ANKH: variants seen among roughly 807,000 people sequenced by gnomAD.
ANKH encodes ANKH inorganic pyrophosphate transport regulator, also known as mineralization regulator ANKH.
ANKH carries 15 observed loss-of-function variants against 49.0 expected under a neutral mutation model. That is an observed-to-expected ratio of 0.31 (90% CI 0.20 to 0.47). The LOEUF is 0.47. Ranked by LOEUF, ANKH falls within the 20% of genes least tolerant of loss-of-function variation. ANKH has a pLI of 1.00. For missense variants in ANKH, 429 were observed against 652.0 expected (o/e 0.66, Z 3.72); for synonymous variants, 273 against 260.0 (o/e 1.05, Z -0.48).
In ANKH at chr5:14,745,236, C is replaced by T. The variant is rs934827267; in HGVS notation, c.915+634G>A. On this transcript the variant is annotated intron_variant, in intron 7 of 11. Transcript: ENST00000284268. The surrounding 1 kb of genome is among the most constrained non-coding windows in gnomAD (Gnocchi z 4.7). Reference sequence around the variant, plus strand: ...TTTGTTTTAGAGTATTAAAAAAAGTCTATAGGTTTAAATGATAACGCTATA... The same window carrying T: ...TTTGTTTTAGAGTATTAAAAAAAGTTTATAGGTTTAAATGATAACGCTATA... Among the ~76,000 whole-genome samples the T allele has an allele frequency of 4.0e-5, 6 of 151,724 alleles. No individual in the cohort carries two copies. The highest frequency in any genetic ancestry group is 5.9e-5 in the Non-Finnish European group (4 of 67,982).
At chr5:14,781,196 T>TATA (rs2126529965) in intron 1 of ANKH, among the ~76,000 whole-genome samples, 1 of 152,320 alleles carries the variant, frequency 6.6e-6, no homozygotes, top group Non-Finnish European at 1.5e-5. Flanking sequence ...TTCCCAGGGA[T>TATA]CTATACAGCT....
In ANKH at chr5:14,871,278, C is replaced by T. The variant is rs1158756271; in HGVS notation, c.96+74G>A. On this transcript the variant is annotated intron_variant, in intron 1 of 11. Transcript: ENST00000284268. ...AAGAGGGACTCGGAGCAGGTGACTCCCCTCCGCCCCCGTGTCCGGGCGTGT... is the reference window on the plus strand; with the variant it reads ...AAGAGGGACTCGGAGCAGGTGACTCTCCTCCGCCCCCGTGTCCGGGCGTGT... 5.2e-6 allele frequency: 7 copies of T among 1,333,638 alleles called. No individual in the cohort carries two copies. The Middle Eastern group carries it at 5.4e-4, about 103-fold the overall frequency. 82.6% of individuals were successfully genotyped at this position (1,333,638 alleles called of 1,614,324 possible). A position where few individuals can be genotyped will look rare whatever the true frequency, so the allele number is the denominator to read the frequency against.
At chr5:14,724,084 G>A (rs13159680) in intron 8 of ANKH, among the ~76,000 whole-genome samples, 9,500 of 152,162 alleles carry the variant, frequency 0.062, 405 homozygotes, top group African/African-American at 0.11. Context: ...CTGGGAGGCC[G>A]AGGTGGATGG....
At chr5:14,771,921 G>GAAAAAAAAAAAAAAAAAAAA (rs869185652) in intron 1 of ANKH, among the ~76,000 whole-genome samples, 1 of 53,394 alleles carries the variant, frequency 1.9e-5, no homozygotes, top group Non-Finnish European at 3.8e-5. Flanking sequence ...CTCAAAAAAA[G>GAAAAAAAAAAAAAAAAAAAA]AAAAAAAAAA....
chr5:14,746,813 TCA>T (rs1259591301), intron 6 of ANKH, among the ~76,000 whole-genome samples: 2 of 152,184 alleles, frequency 1.3e-5, no homozygotes, highest in African/African-American at 4.8e-5. Flanking sequence ...TTTCACTGTC[TCA>T]GTCATATTTT....
Position 14,769,204 on chromosome 5 carries a change from A to T in ANKH, c.97-13T>A. On this transcript the variant is annotated splice_polypyrimidine_tract_variant and intron_variant, in intron 1 of 11. Transcript: ENST00000284268. ...CCCGGTTCAAGGCCTGGGAAGGGGG[A>T]AAAAAACCCACAAGCATTAGAAATG... The T allele has an allele frequency of 6.3e-7, 1 of 1,599,828 alleles. No individual in the cohort carries two copies. The highest frequency in any genetic ancestry group is 2.3e-5 in the East Asian group (1 of 44,294).
intron 1 of ANKH, among the ~76,000 whole-genome samples, chr5:14,858,182 T>C (rs1735337697): frequency 6.6e-6 from 1 of 152,194 alleles, no homozygotes; most frequent in African/African-American, 2.4e-5. Flanking sequence ...CAGGTGGTTT[T>C]TGCTTACATG....
At chr5:14,743,823 T>C (rs758833563) in intron 7 of ANKH, among the ~76,000 whole-genome samples, 9 of 152,262 alleles carry the variant, frequency 5.9e-5, no homozygotes, top group Non-Finnish European at 1.2e-4. Context: ...AATTTTTTTA[T>C]AGCTCCTAGC....
intron 1 of ANKH, among the ~76,000 whole-genome samples, chr5:14,808,122 T>C (rs1318970356): frequency 4.6e-5 from 7 of 152,174 alleles, no homozygotes; most frequent in Admixed American, 1.3e-4. Flanking sequence ...AACTTATACA[T>C]GCCCAGTGTG....
intron 8 of ANKH, among the ~76,000 whole-genome samples, chr5:14,728,172 G>A (rs1259356977): frequency 6.6e-6 from 1 of 152,242 alleles, no homozygotes; most frequent in Non-Finnish European, 1.5e-5. Flanking sequence ...CGCCAACAGC[G>A]CTCCATATGT....
intron 8 of ANKH, 99 bp from the exon 9 acceptor site, chr5:14,716,934 G>A: frequency 3.3e-6 from 5 of 1,493,612 alleles, no homozygotes; most frequent in Non-Finnish European, 4.6e-6. Flanking sequence ...TTACGAAAGA[G>A]GGACAACCGG....
intron 8 of ANKH, among the ~76,000 whole-genome samples, chr5:14,738,790 A>G (rs1738264295): frequency 6.6e-6 from 1 of 152,134 alleles, no homozygotes; most frequent in African/African-American, 2.4e-5. Flanking sequence ...AAAATAGACT[A>G]GAAAATCAAG....
At chr5:14,792,218 T>C (rs1382314783) in intron 1 of ANKH, among the ~76,000 whole-genome samples, 1 of 152,020 alleles carries the variant, frequency 6.6e-6, no homozygotes, top group Non-Finnish European at 1.5e-5. Flanking sequence ...TCGAGTCCCA[T>C]TATACTGGGC....
At chr5:14,735,921 G>A (rs1316219159) in intron 8 of ANKH, among the ~76,000 whole-genome samples, 5 of 151,640 alleles carry the variant, frequency 3.3e-5, no homozygotes, top group Non-Finnish European at 7.4e-5. Context: ...GAAGGTTCCG[G>A]GTTGAATGCA....
At chr5:14,856,450 G>GAGGTCA (rs3028503) in intron 1 of ANKH, among the ~76,000 whole-genome samples, 72,177 of 151,066 alleles carry the variant, frequency 0.48, 17,302 homozygotes, top group Admixed American at 0.54. Flanking sequence ...GAAGCCTACA[G>GAGGTCA]AGTTCTCTGC....
intron 1 of ANKH, among the ~76,000 whole-genome samples, chr5:14,857,003 A>C (rs1735287411): frequency 6.6e-6 from 1 of 152,318 alleles, no homozygotes; most frequent in South Asian, 2.1e-4. Flanking sequence ...ACTCATTGAA[A>C]GAAAGCGCTT....
intron 8 of ANKH, among the ~76,000 whole-genome samples, chr5:14,732,469 T>G (rs1333108439): frequency 6.6e-6 from 1 of 151,964 alleles, no homozygotes; most frequent in African/African-American, 2.4e-5. Context: ...ACTATAAACT[T>G]TATATTTATC....
intron 1 of ANKH, among the ~76,000 whole-genome samples, chr5:14,835,687 A>C (rs1468182150): frequency 1.3e-5 from 2 of 152,234 alleles, no homozygotes; most frequent in Admixed American, 1.3e-4. Flanking sequence ...GCCCAGAAGT[A>C]CAAAGAGGAA....
chr5:14,773,703 T>C (rs1739522558), intron 1 of ANKH, among the ~76,000 whole-genome samples: 1 of 152,224 alleles, frequency 6.6e-6, no homozygotes, highest in African/African-American at 2.4e-5. Context: ...AGGTAGGTAG[T>C]GCACAGGGCA....
Sources: gnomAD v4.1 joint callset for allele counts (sites outside exome capture counted in the v4.1 genomes callset) on GRCh38, gnomAD v4.1.1 for gene constraint, Gnocchi (gnomAD v3.1) non-coding constraint, MANE v1.5 for transcripts, NCBI Gene and HGNC (gene_info 2026-07-23, HGNC 2026-07-21) for gene names.